Variants in PPP2R2C observed in about 807,000 individuals in gnomAD.
PPP2R2C encodes protein phosphatase 2 regulatory subunit Bgamma.
Under a neutral mutation model 45.3 loss-of-function variants are expected in PPP2R2C, and 10 were observed. The observed-to-expected ratio is 0.22, with a 90% CI of 0.14 to 0.37. The LOEUF (loss-of-function observed/expected upper bound fraction) is 0.37, where lower values mean the gene tolerates loss of function less well. Ranked by LOEUF, PPP2R2C falls within the 10% of genes least tolerant of loss-of-function variation. The pLI is 1.00. For missense variants in PPP2R2C, 308 were observed against 619.7 expected (o/e 0.50, Z 5.34); for synonymous variants, 257 against 245.4 (o/e 1.05, Z -0.44).
chr4:6,360,535 G>A (rs1405780613), intron 5 of PPP2R2C, among the ~76,000 whole-genome samples: 1 of 152,210 alleles, frequency 6.6e-6, no homozygotes, highest in East Asian at 1.9e-4. Context: ...AGCAGCCACC[G>A]GAGTTAGGGA....
intron 1 of PPP2R2C, among the ~76,000 whole-genome samples, chr4:6,422,455 TA>T (rs1719041591): frequency 6.6e-6 from 1 of 152,202 alleles, no homozygotes; most frequent in South Asian, 2.1e-4. Context: ...CTTGAAAAAT[TA>T]AATTTGGTAA....
chr4:6,398,144 A>T (rs915074389), intron 1 of PPP2R2C, among the ~76,000 whole-genome samples: 1 of 152,246 alleles, frequency 6.6e-6, no homozygotes, highest in Admixed American at 6.5e-5. Context: ...CTACCTAAAC[A>T]TAAAAGCTAA....
intron 2 of PPP2R2C, among the ~76,000 whole-genome samples, chr4:6,527,388 G>A (rs1489788705): frequency 6.6e-6 from 1 of 152,130 alleles, no homozygotes; most frequent in African/African-American, 2.4e-5. Context: ...CCTGAGCAGT[G>A]CCAGGCGGAA....
intron 1 of PPP2R2C, among the ~76,000 whole-genome samples, chr4:6,414,350 T>C (rs1033895693): frequency 6.6e-6 from 1 of 152,108 alleles, no homozygotes; most frequent in Non-Finnish European, 1.5e-5. Flanking sequence ...TCTGATCATG[T>C]GCACGGTGGG....
At chr4:6,543,171 C>A (rs181828509) in intron 1 of PPP2R2C, among the ~76,000 whole-genome samples, 9 of 152,188 alleles carry the variant, frequency 5.9e-5, no homozygotes, top group Non-Finnish European at 1.0e-4. Flanking sequence ...CAAGGCAGGA[C>A]GGCGTGGATG....
chr4:6,484,564 T>C (rs759623556), intron 2 of PPP2R2C, among the ~76,000 whole-genome samples: 3 of 151,726 alleles, frequency 2.0e-5, no homozygotes, highest in Non-Finnish European at 4.4e-5. Flanking sequence ...GAATTTCAGA[T>C]CAATTTGGGG....
rs545877745 is a variant in PPP2R2C at position 6,332,543 on chromosome 4, C to T, written c.960+1019G>A. The stretch of plus-strand genomic sequence containing the variant: ...CTCTGAGCTCTGCACCAGTTCCCAG[C>T]GAGGCCTGCGCCACCCAGGACGCTT... On this transcript the variant is annotated intron_variant, in intron 7 of 8. Coordinates refer to ENST00000382599, the MANE Select transcript of PPP2R2C (RefSeq NM_020416.4). This position sits in a 1 kb window ranked among gnomAD's most constrained non-coding sequence, Gnocchi z 4.9. Among the ~76,000 whole-genome samples, 6 of 152,286 alleles carry T rather than the reference C, an allele frequency of 3.9e-5. No individual in the cohort carries two copies. The highest frequency in any genetic ancestry group is 2.1e-4 in the South Asian group (1 of 4,824).
intron 2 of PPP2R2C, among the ~76,000 whole-genome samples, chr4:6,493,832 G>A (rs942126092): frequency 1.3e-5 from 2 of 152,082 alleles, no homozygotes; most frequent in Non-Finnish European, 2.9e-5. Context: ...CGACTCTTTA[G>A]TCGGGAGCCG....
At chr4:6,550,189 T>C (rs1049181819) in intron 1 of PPP2R2C, among the ~76,000 whole-genome samples, 1 of 152,016 alleles carries the variant, frequency 6.6e-6, no homozygotes, top group Non-Finnish European at 1.5e-5. Context: ...ACTGGTGGAA[T>C]GAGATGGATG....
chr4:6,440,699 C>T lies in PPP2R2C; in HGVS notation c.70+31461G>A, dbSNP rs559389459. On this transcript the variant is annotated intron_variant, in intron 1 of 8. Transcript: ENST00000382599. ...TCAGCACCTCCCTCCCTGACTGGCA[C>T]GTCTCAGAGCCTCCTGGCATAGCTG... 1.1e-4 allele frequency among the ~76,000 whole-genome samples: 17 copies of T among 152,336 alleles called. No homozygotes were observed. The South Asian group carries it at 3.3e-3, about 30-fold the overall frequency.
chr4:6,511,007 A>C (rs1314158374), intron 2 of PPP2R2C, among the ~76,000 whole-genome samples: 2 of 150,558 alleles, frequency 1.3e-5, no homozygotes, highest in Non-Finnish European at 2.9e-5. Flanking sequence ...ACAAAAAAAA[A>C]AACAGAAAAT....
chr4:6,483,012 A>G lies in PPP2R2C; in HGVS notation c.49+52259T>C, dbSNP rs1181079207. On this transcript the variant is annotated intron_variant, in intron 2 of 9. Coordinates refer to the PPP2R2C transcript ENST00000506140. ...AATAAGAATATGACTTTAGCCTTTA[A>G]TCTATTAAAGAAGTAAATTAAGTTA... 2.0e-5 allele frequency among the ~76,000 whole-genome samples: 3 copies of G among 152,100 alleles called. No individual in the cohort carries two copies. The East Asian group carries it at 5.8e-4, about 29-fold the overall frequency.
intron 4 of PPP2R2C, among the ~76,000 whole-genome samples, chr4:6,373,312 G>C (rs1715014463): frequency 1.3e-5 from 2 of 152,232 alleles, no homozygotes; most frequent in African/African-American, 4.8e-5. Flanking sequence ...AGTGAGAAAT[G>C]CATTTCCGTG....
At chr4:6,384,605 A>C in intron 1 of PPP2R2C, 1 of 985,386 alleles carries the variant, frequency 1.0e-6, no homozygotes, top group Non-Finnish European at 1.2e-6. Flanking sequence ...TGGGAACATA[A>C]CAATGCTATT....
chr4:6,326,135 C>T (rs982020979), intron 8 of PPP2R2C, among the ~76,000 whole-genome samples: 3 of 152,212 alleles, frequency 2.0e-5, no homozygotes, highest in Admixed American at 1.3e-4. Flanking sequence ...CAGAGCCAAT[C>T]AGATCCTTCC....
chr4:6,457,207 C>CAAAAAAAA (rs34145628), intron 1 of PPP2R2C, among the ~76,000 whole-genome samples: 1,804 of 88,504 alleles, frequency 0.02, 92 homozygotes, highest in African/African-American at 0.032. Context: ...GACTCCATCT[C>CAAAAAAAA]AAAAAAAAAA....
At chr4:6,371,234 C>T (rs939714954) in intron 5 of PPP2R2C, among the ~76,000 whole-genome samples, 3 of 152,258 alleles carry the variant, frequency 2.0e-5, no homozygotes, top group African/African-American at 4.8e-5. Flanking sequence ...ATGTGCCCCG[C>T]ACCCTCTGGC....
intron 6 of PPP2R2C, among the ~76,000 whole-genome samples, chr4:6,346,337 C>T (rs1711919591): frequency 6.6e-6 from 1 of 152,206 alleles, no homozygotes; most frequent in South Asian, 2.1e-4. Context: ...ACGGCCACTG[C>T]AGTGCCCTCC....
intron 1 of PPP2R2C, among the ~76,000 whole-genome samples, chr4:6,426,911 G>A (rs1474743316): frequency 6.6e-6 from 1 of 152,242 alleles, no homozygotes; most frequent in Non-Finnish European, 1.5e-5. Flanking sequence ...TCTCACTGGG[G>A]AGTCTTTGAG....
Sources: allele counts gnomAD v4.1 joint callset (sites outside exome capture counted in the v4.1 genomes callset), GRCh38; gene constraint gnomAD v4.1.1; non-coding constraint Gnocchi (gnomAD v3.1); transcripts MANE v1.5; gene names NCBI Gene and HGNC (gene_info 2026-07-23, HGNC 2026-07-21).